Variants in OS9 observed in about 807,000 individuals in gnomAD.
OS9 encodes protein OS-9.
A neutral mutation model predicts 84.7 loss-of-function variants in OS9; 58 were observed. That is an observed-to-expected ratio of 0.68 (90% confidence interval 0.55 to 0.85). OS9 has a LOEUF of 0.85. Ranked by LOEUF, OS9 falls within the 40% of genes least tolerant of loss-of-function variation. The pLI, the probability that OS9 is intolerant of heterozygous loss-of-function variation, is 0.00. For missense variants in OS9, 760 were observed against 850.9 expected (o/e 0.89, Z 1.33); for synonymous variants, 278 against 320.8 (o/e 0.87, Z 1.43).
At chr12:57,703,325 T>G (rs893836465) in intron 5 of OS9, among the ~76,000 whole-genome samples, 1 of 152,214 alleles carries the variant, frequency 6.6e-6, no homozygotes, top group Non-Finnish European at 1.5e-5. Context: ...AGCCTCAAAC[T>G]CCTGGGCTCA....
At chr12:57,697,889 A>ACGCG (rs1953897629) in intron 5 of OS9, among the ~76,000 whole-genome samples, 2 of 142,266 alleles carry the variant, frequency 1.4e-5, no homozygotes, top group African/African-American at 5.2e-5. Flanking sequence ...ACACACACAC[A>ACGCG]CGGAACCTAA....
chr12:57,697,930 C>CCTA lies in OS9; in HGVS notation c.579+1557_579+1558insCTA, dbSNP rs1565767197. Reference sequence around the variant, plus strand: ...GCAAACACACACACACACATACACACACACACACACACACACACACACACA... The same window carrying CCTA: ...GCAAACACACACACACACATACACACCTAACACACACACACACACACACACACA... On this transcript the variant is annotated intron_variant, in intron 5 of 14. Coordinates refer to ENST00000315970, the MANE Select transcript of OS9 (RefSeq NM_006812.4). 8.4e-4 allele frequency among the ~76,000 whole-genome samples: 78 copies of CCTA among 92,790 alleles called. 1 individual carries two copies. The highest frequency in any genetic ancestry group is 2.7e-3 in the African/African-American group (70 of 26,216). The allele number at this position is 92,790 out of a possible 152,430, so 60.9% of individuals were successfully genotyped here. A position where few individuals can be genotyped will look rare whatever the true frequency, so the allele number is the denominator to read the frequency against.
chr12:57,694,653 T>G (rs1157094260), intron 1 of OS9, 97 bp from the exon 2 acceptor site: 3 of 1,261,634 alleles, frequency 2.4e-6, no homozygotes, highest in African/African-American at 2.9e-5. Context: ...TGTCTTCGAC[T>G]GATCTCTTCC....
Position 57,696,043 on chromosome 12 carries a change from C to A in OS9, c.480+5C>A. ...TGGGATGATGAAACAGCCAAGGTGG[C>A]AAGAGTGTGGGATTCAGGAAGAAAG... On this transcript the variant is annotated splice_donor_5th_base_variant and intron_variant, in intron 4 of 14. Transcript: ENST00000315970. 6.2e-7 allele frequency: 1 copy of A among 1,606,710 alleles called. No homozygotes were observed. The highest frequency in any genetic ancestry group is 8.5e-7 in the Non-Finnish European group (1 of 1,173,260).
rs199954471 is a variant in OS9, at chr12:57,719,188, A to G, written c.1600+6A>G. ...CCCATCACCCCAACCTACAGGTGAGAGCAGTCAGACAAGAAAGAGTAGCCC... is the reference window on the plus strand; with the variant it reads ...CCCATCACCCCAACCTACAGGTGAGGGCAGTCAGACAAGAAAGAGTAGCCC... On this transcript the variant is annotated splice_donor_region_variant and intron_variant, in intron 12 of 14. Transcript: ENST00000315970. The G allele has an allele frequency of 6.2e-7, 1 of 1,612,350 alleles. No individual in the cohort carries two copies. Among genetic ancestry groups the G allele is most frequent in the Non-Finnish European group, 8.5e-7 (1 of 1,178,992 alleles).
At chr12:57,715,001 G>A (rs1286221069) in intron 5 of OS9, among the ~76,000 whole-genome samples, 1 of 152,112 alleles carries the variant, frequency 6.6e-6, no homozygotes, top group African/African-American at 2.4e-5. Flanking sequence ...TCTTAGAATT[G>A]TTTGAAGTTT....
At chr12:57,719,406 C>T (rs1469708143) in intron 12 of OS9, 4 of 548,958 alleles carry the variant, frequency 7.3e-6, no homozygotes, top group Non-Finnish European at 1.3e-5. Flanking sequence ...AGCATATCTG[C>T]TGGTTTTCTG....
intron 1 of OS9, 147 bp downstream of exon 1, chr12:57,694,470 G>A: frequency 3.4e-6 from 3 of 885,368 alleles, no homozygotes; most frequent in East Asian, 2.7e-5. Context: ...CCTGGGGGTC[G>A]CAGACTGAGA....
At position 57,694,186 on chromosome 12, in the gene OS9, A is replaced by G. The variant is rs140428732; in HGVS notation, c.25A>G (p.Ser9Gly). Residue 9 changes from serine (S) to glycine (G), a missense_variant, in exon 1 of 15, where the codon AGT becomes GGT. Physicochemically the swap from Ser to Gly is moderately conservative, Grantham distance 56 (BLOSUM62 0). Coordinates refer to ENST00000315970, the MANE Select transcript of OS9 (RefSeq NM_006812.4). MAAETLLSSLLGLLLLGLL... is the reference protein window; with the variant it reads MAAETLLSGLLGLLLLGLL... ...GATGGCGGCGGAAACGCTGCTGTCC[A>G]GTTTGTTAGGACTGCTGCTTCTGGG... 3.8e-5 allele frequency: 61 copies of G among 1,614,050 alleles called. No homozygotes were observed. Among genetic ancestry groups the G allele is most frequent in the Non-Finnish European group, 4.3e-5 (51 of 1,180,026 alleles).
intron 5 of OS9, among the ~76,000 whole-genome samples, chr12:57,703,089 C>A (rs558840137): frequency 2.2e-4 from 33 of 152,234 alleles, no homozygotes; most frequent in African/African-American, 7.7e-4. Flanking sequence ...GAGTTTCACT[C>A]TTGTTGCCCA....
Position 57,720,781 on chromosome 12 carries a change from C to A in OS9, c.1879-3C>A. ...CCAGCCCACCTCTACCCTCTCCCAC[C>A]AGGTGCCGGGAGCTGAAGAGGCCCA... is the stretch of plus-strand genomic sequence containing the variant. On this transcript the variant is annotated splice_region_variant and splice_polypyrimidine_tract_variant and intron_variant, in intron 14 of 14. Coordinates refer to ENST00000315970, the MANE Select transcript of OS9 (RefSeq NM_006812.4). 6.2e-7 allele frequency: 1 copy of A among 1,602,682 alleles called. No individual in the cohort carries two copies. Among genetic ancestry groups the A allele is most frequent in the African/African-American group, 1.3e-5 (1 of 74,932 alleles).
intron 5 of OS9, among the ~76,000 whole-genome samples, chr12:57,703,764 T>A (rs1954089979): frequency 3.9e-5 from 1 of 25,496 alleles, no homozygotes; most frequent in Admixed American, 5.1e-4. Flanking sequence ...ATTTTAAGAT[T>A]TTTTTTTTTC....
intron 5 of OS9, among the ~76,000 whole-genome samples, chr12:57,699,708 C>G (rs1953963618): frequency 6.6e-6 from 1 of 152,210 alleles, no homozygotes; most frequent in South Asian, 2.1e-4. Flanking sequence ...CTGACCAGTC[C>G]TTTGGTTGGA....
Position 57,716,203 on chromosome 12 carries a change from T to A in OS9, c.892+10T>A. 6.4e-7 allele frequency: 1 copy of A among 1,561,832 alleles called. No homozygotes were observed. The highest frequency in any genetic ancestry group is 8.8e-7 in the Non-Finnish European group (1 of 1,136,610). ...CCCCAAAAGATGGCAGGTAGGACCTTGTTTCACCTGTTCCGTGAAACTCAC... is the reference window on the plus strand; with the variant it reads ...CCCCAAAAGATGGCAGGTAGGACCTAGTTTCACCTGTTCCGTGAAACTCAC... On this transcript the variant is annotated intron_variant, in intron 7 of 14. Transcript: ENST00000315970.
chr12:57,720,287 C>T (rs1435029411), intron 13 of OS9, 24 bp downstream of exon 13: 1 of 1,613,068 alleles, frequency 6.2e-7, no homozygotes, highest in Non-Finnish European at 8.5e-7. Context: ...GGCGGCTGGA[C>T]CCAGTGCTGT....
chr12:57,710,628 A>G (rs866447741), intron 5 of OS9, among the ~76,000 whole-genome samples: 1 of 152,102 alleles, frequency 6.6e-6, no homozygotes, highest in Non-Finnish European at 1.5e-5. Context: ...GTCTCCAACC[A>G]TCTATATATC....
At chr12:57,716,358 C>T in intron 7 of OS9, 54 bp from the exon 8 acceptor site, 1 of 1,448,298 alleles carries the variant, frequency 6.9e-7, no homozygotes, top group Non-Finnish European at 9.5e-7. Context: ...TATTTGCTCC[C>T]TTCTGTCTCA....
chr12:57,708,659 T>C (rs1954243695), intron 5 of OS9, among the ~76,000 whole-genome samples: 1 of 151,984 alleles, frequency 6.6e-6, no homozygotes. Flanking sequence ...TATTCCTGCA[T>C]ATAGTTTCTG....
At chr12:57,705,544 T>G (rs889423079) in intron 5 of OS9, among the ~76,000 whole-genome samples, 1 of 152,198 alleles carries the variant, frequency 6.6e-6, no homozygotes, top group Non-Finnish European at 1.5e-5. Flanking sequence ...TTTATTATTA[T>G]TATTTTTTGA....
Sources: gnomAD v4.1 joint callset for allele counts (sites outside exome capture counted in the v4.1 genomes callset) on GRCh38, gnomAD v4.1.1 for gene constraint, MANE v1.5 for transcripts, NCBI Gene and HGNC (gene_info 2026-07-23, HGNC 2026-07-21) for gene names.